Variants in NDUFA10 observed in about 807,000 individuals in gnomAD.
NDUFA10 encodes NADH:ubiquinone oxidoreductase subunit A10, also known as NADH dehydrogenase [ubiquinone] 1 alpha subcomplex subunit 10, mitochondrial.
NDUFA10 carries 40 observed loss-of-function variants against 47.8 expected under a neutral mutation model. That is an observed-to-expected ratio of 0.84 (90% confidence interval 0.65 to 1.09). NDUFA10 has a LOEUF of 1.09. Among genes scored for constraint, NDUFA10 ranks in the 50% least tolerant of loss-of-function variants. NDUFA10 has a pLI of 0.00. For synonymous variants in NDUFA10, 183 were observed against 172.2 expected, an observed-to-expected ratio of 1.06 and a Z score of -0.49; for missense variants, 413 against 451.1, an observed-to-expected ratio of 0.92 and a Z score of 0.76.
chr2:240,010,438 C>G (rs1574884296), intron 6 of NDUFA10, among the ~76,000 whole-genome samples: 1 of 152,108 alleles, frequency 6.6e-6, no homozygotes, highest in Non-Finnish European at 1.5e-5. Flanking sequence ...TGACAAAGCT[C>G]TTTCTCAGTG....
At chr2:239,936,302 C>T (rs562806422) in intron 4 of NDUFA10, among the ~76,000 whole-genome samples, 5 of 152,280 alleles carry the variant, frequency 3.3e-5, no homozygotes, top group East Asian at 1.9e-4. Context: ...ATGGTAGAGG[C>T]GGCAGTGTCC....
chr2:239,991,733 A>G (rs1311417991), intron 8 of NDUFA10, among the ~76,000 whole-genome samples: 10 of 152,258 alleles, frequency 6.6e-5, no homozygotes. Flanking sequence ...TGATCTCACA[A>G]TAAGAAATTC....
At chr2:239,922,636 G>T (rs532072411) in intron 4 of NDUFA10, among the ~76,000 whole-genome samples, 6 of 152,316 alleles carry the variant, frequency 3.9e-5, no homozygotes, top group Non-Finnish European at 8.8e-5. Flanking sequence ...ACTTTTCTAC[G>T]CCACAATGCC....
At chr2:239,901,323 C>T (rs545786011) in intron 4 of NDUFA10, among the ~76,000 whole-genome samples, 8 of 152,116 alleles carry the variant, frequency 5.3e-5, no homozygotes, top group East Asian at 1.9e-4. Context: ...GCTATGATCA[C>T]GCCACTGCCT....
intron 4 of NDUFA10, among the ~76,000 whole-genome samples, chr2:239,936,275 T>C (rs369088078): frequency 4.7e-4 from 71 of 152,264 alleles, no homozygotes; most frequent in African/African-American, 1.7e-3. Context: ...TTCCTCAGGA[T>C]GGCAGGGCAG....
At chr2:240,001,470 G>A (rs1175455704) in intron 8 of NDUFA10, among the ~76,000 whole-genome samples, 3 of 152,134 alleles carry the variant, frequency 2.0e-5, no homozygotes, top group Non-Finnish European at 2.9e-5. Context: ...GTCCTATGAG[G>A]TAGCTTCTAT....
intron 4 of NDUFA10, among the ~76,000 whole-genome samples, chr2:239,938,074 C>T (rs1436892632): frequency 6.6e-6 from 1 of 152,140 alleles, no homozygotes; most frequent in East Asian, 1.9e-4. Flanking sequence ...CCAGGACAGC[C>T]TCGGGGATAA....
chr2:239,896,849 TGGC>T (rs1319925622), intron 4 of NDUFA10, among the ~76,000 whole-genome samples: 1 of 152,220 alleles, frequency 6.6e-6, no homozygotes, highest in African/African-American at 2.4e-5. Context: ...GGGGAATAGT[TGGC>T]ACAAGATTGG....
rs1694731068 is a variant in NDUFA10 at position 239,958,790 on chromosome 2, TCATGCCTGTAAACA to T, written c.*2314_*2327del. ...GGACTTTCTTTTCAATACAGAATTC[TCATGCCTGTAAACA>T]CATGCCTGTATGAATAAAATCCAGA... is the stretch of plus-strand genomic sequence containing the variant. On this transcript the variant is annotated 3_prime_UTR_variant, in exon 10 of 10. Coordinates refer to ENST00000252711, the MANE Select transcript of NDUFA10 (RefSeq NM_004544.4). 3.2e-6 allele frequency: 1 copy of T among 317,228 alleles called. No homozygotes were observed. Among genetic ancestry groups the T allele is most frequent in the Non-Finnish European group, 4.6e-6 (1 of 219,110 alleles). The allele number at this position is 317,228 out of a possible 1,614,324, so 19.7% of individuals were successfully genotyped here.
At position 239,995,968 on chromosome 2, in the gene NDUFA10, T is replaced by C. The variant is rs145998808; in HGVS notation, c.891-5786A>G. Among the ~76,000 whole-genome samples, 507 of 151,936 alleles carry C rather than the reference T, an allele frequency of 3.3e-3. 5 individuals carry two copies. The highest frequency in any genetic ancestry group is 3.4e-3 in the Admixed American group (52 of 15,284). On this transcript the variant is annotated intron_variant, in intron 8 of 9. Coordinates refer to ENST00000252711, the MANE Select transcript of NDUFA10 (RefSeq NM_004544.4). ...AAACTAATAGAACCCAAGGGAGAAA[T>C]AGACAAATCCAGCGCTGTTGGAAAT...
chr2:239,960,451 G>A lies in NDUFA10; in HGVS notation c.*667C>T. On this transcript the variant is annotated 3_prime_UTR_variant, in exon 10 of 10. Transcript: ENST00000252711. ...CTCAAATCTCCCTTCAAAGGAGTTT[G>A]AGACGCTGAGGACGGCCACGTGAAT... The A allele has an allele frequency of 1.0e-6, 1 of 988,824 alleles. No homozygotes were observed. The highest frequency in any genetic ancestry group is 1.2e-6 in the Non-Finnish European group (1 of 831,880). The allele number at this position is 988,824 out of a possible 1,614,324, so 61.3% of individuals were successfully genotyped here. A position where few individuals can be genotyped will look rare whatever the true frequency, so the allele number is the denominator to read the frequency against.
intron 5 of NDUFA10, chr2:239,895,107 C>G (rs1693367381): frequency 3.7e-6 from 1 of 269,294 alleles, no homozygotes; most frequent in Non-Finnish European, 8.2e-6. Context: ...CTTGCCTTCA[C>G]CCTCTCTTCC....
chr2:239,965,457 G>A (rs986299970), intron 9 of NDUFA10, among the ~76,000 whole-genome samples: 3 of 152,166 alleles, frequency 2.0e-5, no homozygotes, highest in Middle Eastern at 3.2e-3. Flanking sequence ...GAGAAAACGC[G>A]CATGATAACG....
chr2:239,939,866 G>T (rs1694330112), intron 4 of NDUFA10, among the ~76,000 whole-genome samples: 1 of 152,232 alleles, frequency 6.6e-6, no homozygotes, highest in African/African-American at 2.4e-5. Context: ...GCCCCTCCTG[G>T]AACCGGCTGC....
In NDUFA10 at chr2:240,020,096, C is replaced by A. The variant is rs547659543; in HGVS notation, c.460+1101G>T. Among the ~76,000 whole-genome samples the A allele has an allele frequency of 5.4e-4, 83 of 152,302 alleles. 1 individual carries two copies. The highest frequency in any genetic ancestry group is 3.2e-3 in the Admixed American group (49 of 15,306). ...CAACTGTGTAGATACGTGTCATGGA[C>A]ACACACTGCATCCGTGGAGACCTGA... On this transcript the variant is annotated intron_variant, in intron 3 of 9. Coordinates refer to ENST00000252711, the MANE Select transcript of NDUFA10 (RefSeq NM_004544.4).
chr2:239,919,840 C>T (rs919342855), intron 4 of NDUFA10, among the ~76,000 whole-genome samples: 3 of 152,184 alleles, frequency 2.0e-5, no homozygotes, highest in Admixed American at 6.5e-5. Flanking sequence ...GGAGAGAATG[C>T]GGGGGAAGAC....
At chr2:239,949,036 A>C (rs2106382920) in intron 4 of NDUFA10, among the ~76,000 whole-genome samples, 1 of 152,112 alleles carries the variant, frequency 6.6e-6, no homozygotes, top group Non-Finnish European at 1.5e-5. Context: ...CCTGCCTTGC[A>C]GGCTTTCTCA....
chr2:239,924,994 A>G (rs1694044865), intron 4 of NDUFA10, among the ~76,000 whole-genome samples: 1 of 152,170 alleles, frequency 6.6e-6, no homozygotes, highest in African/African-American at 2.4e-5. Context: ...GTATAAATAA[A>G]CATGCCATGT....
At chr2:239,899,669 T>A (rs1574763291) in intron 4 of NDUFA10, among the ~76,000 whole-genome samples, 1 of 152,016 alleles carries the variant, frequency 6.6e-6, no homozygotes, top group Admixed American at 6.6e-5. Context: ...GCCAAAGCAA[T>A]GAGCCACTGG....
Sources: gnomAD v4.1 joint callset for allele counts (sites outside exome capture counted in the v4.1 genomes callset) on GRCh38, gnomAD v4.1.1 for gene constraint, MANE v1.5 for transcripts, NCBI Gene and HGNC (gene_info 2026-07-23, HGNC 2026-07-21) for gene names.